NDST3: variants seen among roughly 807,000 people sequenced by gnomAD.
The protein encoded by NDST3 is bifunctional heparan sulfate N-deacetylase/N-sulfotransferase 3.
A neutral mutation model predicts 96.1 loss-of-function variants in NDST3; 58 were observed. The observed-to-expected ratio is 0.60, with a 90% CI of 0.49 to 0.75. The LOEUF (loss-of-function observed/expected upper bound fraction) is 0.75, where lower values mean the gene tolerates loss of function less well. Ranked by LOEUF, NDST3 falls within the 30% of genes least tolerant of loss-of-function variation. The pLI, the probability that NDST3 is intolerant of heterozygous loss-of-function variation, is 0.00. For synonymous variants in NDST3, 333 were observed against 359.7 expected, an observed-to-expected ratio of 0.93 and a Z score of 0.84; for missense variants, 788 against 1,034.2, an observed-to-expected ratio of 0.76 and a Z score of 3.27.
intron 6 of NDST3, among the ~76,000 whole-genome samples, chr4:118,186,418 G>A (rs564238796): frequency 1.3e-5 from 2 of 152,128 alleles, no homozygotes; most frequent in African/African-American, 2.4e-5. Context: ...ACAATAGGCC[G>A]TCTGCAAGCC....
At chr4:118,059,840 G>C (rs549214140) in intron 2 of NDST3, among the ~76,000 whole-genome samples, 1 of 152,004 alleles carries the variant, frequency 6.6e-6, no homozygotes, top group African/African-American at 2.4e-5. Flanking sequence ...ATTGTACATA[G>C]TATTAATGTT....
At chr4:118,163,561 T>C (rs1735341630) in intron 6 of NDST3, among the ~76,000 whole-genome samples, 1 of 150,514 alleles carries the variant, frequency 6.6e-6, no homozygotes, top group South Asian at 2.1e-4. Context: ...TGAGAACACA[T>C]GGACACAGGA....
chr4:118,211,378 A>G (rs1038683702), intron 6 of NDST3, among the ~76,000 whole-genome samples: 1 of 152,184 alleles, frequency 6.6e-6, no homozygotes, highest in South Asian at 2.1e-4. Context: ...TATTTTTAAG[A>G]TTATTTCATT....
intron 6 of NDST3, among the ~76,000 whole-genome samples, chr4:118,177,288 C>A (rs1425568355): frequency 6.6e-6 from 1 of 151,854 alleles, no homozygotes; most frequent in Non-Finnish European, 1.5e-5. Flanking sequence ...AAGGTTTTTG[C>A]CATTTGCCTC....
At chr4:118,143,725 G>C (rs755120141) in intron 6 of NDST3, 41 bp downstream of exon 6, 5 of 1,545,116 alleles carry the variant, frequency 3.2e-6, no homozygotes, top group Non-Finnish European at 3.5e-6. Flanking sequence ...AAAAATGATA[G>C]GGCTGGCAAA....
chr4:118,249,221 G>T (rs1409755421), intron 12 of NDST3, among the ~76,000 whole-genome samples: 3 of 152,200 alleles, frequency 2.0e-5, no homozygotes, highest in Admixed American at 1.3e-4. Context: ...GCATATGTAT[G>T]TTCCAGTTAC....
intron 6 of NDST3, among the ~76,000 whole-genome samples, chr4:118,173,134 A>ATGTGTGTG (rs35139409): frequency 4.7e-5 from 7 of 148,234 alleles, no homozygotes; most frequent in African/African-American, 1.5e-4. Context: ...AGGCATATAT[A>ATGTGTGTG]TGTGTGTGTG....
intron 5 of NDST3, among the ~76,000 whole-genome samples, chr4:118,142,777 C>A (rs1482429987): frequency 6.6e-6 from 1 of 152,164 alleles, no homozygotes; most frequent in Admixed American, 6.5e-5. Flanking sequence ...CTTTAATTCA[C>A]ACCTTCTTTT....
chr4:118,256,841 A>G lies in NDST3; in HGVS notation c.*1129A>G, dbSNP rs901228158. ...TAGTAGAGATTTATAACAAAAAACA[A>G]ATTAATATATTATTTGTAATCTAAT... On this transcript the variant is annotated 3_prime_UTR_variant, in exon 14 of 14. Transcript: ENST00000296499. The G allele has an allele frequency of 6.6e-6, 1 of 152,206 alleles. No homozygotes were observed. The highest frequency in any genetic ancestry group is 1.5e-5 in the Non-Finnish European group (1 of 68,032). 9.4% of individuals were successfully genotyped at this position (152,206 alleles called of 1,614,324 possible). A position where few individuals can be genotyped will look rare whatever the true frequency, so the allele number is the denominator to read the frequency against.
chr4:118,110,381 G>A (rs1171030090), intron 3 of NDST3, among the ~76,000 whole-genome samples: 3 of 152,164 alleles, frequency 2.0e-5, no homozygotes, highest in Non-Finnish European at 4.4e-5. Flanking sequence ...TTTCAATTCA[G>A]GCTCTGTCTC....
chr4:118,166,553 G>A (rs563400489), intron 6 of NDST3, among the ~76,000 whole-genome samples: 21 of 152,012 alleles, frequency 1.4e-4, no homozygotes, highest in African/African-American at 5.1e-4. Context: ...CAGTCTATGA[G>A]GTCAGCAATA....
intron 2 of NDST3, among the ~76,000 whole-genome samples, chr4:118,084,563 A>C (rs545473689): frequency 6.6e-6 from 1 of 152,316 alleles, no homozygotes; most frequent in African/African-American, 2.4e-5. Context: ...GAGAAATGCA[A>C]GCATGACCTC....
intron 2 of NDST3, among the ~76,000 whole-genome samples, chr4:118,084,034 G>T (rs17049588): frequency 0.037 from 5,652 of 152,170 alleles, 375 homozygotes; most frequent in African/African-American, 0.13. Flanking sequence ...TTCTAAAAAT[G>T]ATATCCATCT....
chr4:118,122,323 T>C (rs572348950), intron 4 of NDST3, among the ~76,000 whole-genome samples: 2 of 152,244 alleles, frequency 1.3e-5, no homozygotes, highest in South Asian at 2.1e-4. Flanking sequence ...TTACTTAAGA[T>C]GGAGGGGGCA....
At chr4:118,130,534 T>G (rs183867961) in intron 4 of NDST3, among the ~76,000 whole-genome samples, 2 of 152,320 alleles carry the variant, frequency 1.3e-5, no homozygotes, top group East Asian at 3.9e-4. Flanking sequence ...GAAAAGTTTT[T>G]GTAGTTATTA....
At chr4:118,144,267 G>A (rs534033902) in intron 6 of NDST3, among the ~76,000 whole-genome samples, 12 of 151,692 alleles carry the variant, frequency 7.9e-5, no homozygotes, top group Non-Finnish European at 1.6e-4. Flanking sequence ...TGCAAGCTCC[G>A]CCTCCCGGGT....
chr4:118,069,003 G>A (rs1283534513), intron 2 of NDST3, among the ~76,000 whole-genome samples: 2 of 152,032 alleles, frequency 1.3e-5, no homozygotes, highest in Non-Finnish European at 2.9e-5. Flanking sequence ...TACATGAAGG[G>A]ACAGAAACAG....
intron 6 of NDST3, among the ~76,000 whole-genome samples, chr4:118,200,421 T>C (rs1422219233): frequency 6.6e-6 from 1 of 152,180 alleles, no homozygotes; most frequent in African/African-American, 2.4e-5. Context: ...GAATGCTGCC[T>C]GGCCTGGGAC....
chr4:118,216,834 GA>G (rs1201398702), intron 6 of NDST3, among the ~76,000 whole-genome samples: 1 of 151,956 alleles, frequency 6.6e-6, no homozygotes, highest in Non-Finnish European at 1.5e-5. Flanking sequence ...GAGTGGCATT[GA>G]AAAAATAACT....
Sources: gnomAD v4.1 joint callset for allele counts (sites outside exome capture counted in the v4.1 genomes callset) on GRCh38, gnomAD v4.1.1 for gene constraint, MANE v1.5 for transcripts, NCBI Gene and HGNC (gene_info 2026-07-23, HGNC 2026-07-21) for gene names.